Variants in CNTNAP2 observed in about 807,000 individuals in gnomAD.
The protein encoded by CNTNAP2 is contactin-associated protein-like 2.
CNTNAP2 carries 98 observed loss-of-function variants against 155.2 expected under a neutral mutation model. The observed-to-expected ratio is 0.63, with a 90% CI of 0.54 to 0.75. CNTNAP2 has a LOEUF of 0.75. Among genes scored for constraint, CNTNAP2 ranks in the 30% least tolerant of loss-of-function variants. The pLI is 0.00. For synonymous variants in CNTNAP2, 651 were observed against 631.2 expected (o/e 1.03, Z -0.47); for missense variants, 1,727 against 1,688.1 (o/e 1.02, Z -0.40).
intron 1 of CNTNAP2, among the ~76,000 whole-genome samples, chr7:146,774,059 T>C (rs1802344122): frequency 6.6e-6 from 1 of 152,218 alleles, no homozygotes; most frequent in South Asian, 2.1e-4. Context: ...TGCTTTGCTA[T>C]GGTTTTCCAT....
At chr7:147,842,032 G>C (rs561708796) in intron 13 of CNTNAP2, among the ~76,000 whole-genome samples, 1 of 151,720 alleles carries the variant, frequency 6.6e-6, no homozygotes, top group Non-Finnish European at 1.5e-5. Context: ...GCCATTAATT[G>C]TTTATTATCA....
intron 10 of CNTNAP2, among the ~76,000 whole-genome samples, chr7:147,445,000 T>C (rs1389399486): frequency 6.6e-6 from 1 of 152,098 alleles, no homozygotes; most frequent in Non-Finnish European, 1.5e-5. Context: ...GGGGATGTGC[T>C]ACATGCTTTC....
intron 21 of CNTNAP2, among the ~76,000 whole-genome samples, chr7:148,367,235 A>G (rs1317509398): frequency 6.6e-6 from 1 of 151,212 alleles, no homozygotes; most frequent in African/African-American, 2.4e-5. Flanking sequence ...GTCTCAAAAA[A>G]AAAATAAAAG....
intron 1 of CNTNAP2, among the ~76,000 whole-genome samples, chr7:146,386,588 A>G (rs1482360720): frequency 6.6e-6 from 1 of 152,044 alleles, no homozygotes. Flanking sequence ...GGGTTTCACC[A>G]TGTTGGAGAC....
In CNTNAP2 at chr7:146,264,708, A is replaced by C. The variant is rs1799968272; in HGVS notation, c.97+147735A>C. Among the ~76,000 whole-genome samples the C allele has an allele frequency of 2.6e-5, 4 of 152,334 alleles. No homozygotes were observed. The South Asian group carries it at 8.3e-4, about 32-fold the overall frequency. On this transcript the variant is annotated intron_variant, in intron 1 of 23. Coordinates refer to ENST00000361727, the MANE Select transcript of CNTNAP2 (RefSeq NM_014141.6). ...GTGCAAGTGAAGCGAGGAAGCGAGA[A>C]AAAACGAAGCAGAAGGAGTTGAAAT...
intron 15 of CNTNAP2, among the ~76,000 whole-genome samples, chr7:148,021,726 G>A (rs563477502): frequency 6.6e-6 from 1 of 152,310 alleles, no homozygotes; most frequent in African/African-American, 2.4e-5. Context: ...ATGCAGGAAT[G>A]TGCTCACAGT....
chr7:148,134,913 T>A (rs1185918420), intron 16 of CNTNAP2, among the ~76,000 whole-genome samples: 2 of 152,204 alleles, frequency 1.3e-5, no homozygotes, highest in Non-Finnish European at 2.9e-5. Context: ...AACATTTTTC[T>A]ATGCATTTAT....
At chr7:147,583,993 T>C (rs1800568971) in intron 12 of CNTNAP2, among the ~76,000 whole-genome samples, 1 of 152,038 alleles carries the variant, frequency 6.6e-6, no homozygotes, top group African/African-American at 2.4e-5. Flanking sequence ...CTGGAGACAA[T>C]AGAGGCTCAA....
intron 1 of CNTNAP2, among the ~76,000 whole-genome samples, chr7:146,162,164 G>T (rs966988411): frequency 2.0e-5 from 3 of 152,126 alleles, no homozygotes; most frequent in Non-Finnish European, 2.9e-5. Flanking sequence ...TGACAAATAG[G>T]ATCTAATTAA....
At chr7:148,271,216 T>C (rs1796773987) in intron 21 of CNTNAP2, among the ~76,000 whole-genome samples, 1 of 152,234 alleles carries the variant, frequency 6.6e-6, no homozygotes, top group Non-Finnish European at 1.5e-5. Flanking sequence ...CCTCGTTGTA[T>C]AGAATAAGGA....
intron 12 of CNTNAP2, among the ~76,000 whole-genome samples, chr7:147,599,825 A>G (rs1019113079): frequency 6.6e-6 from 1 of 152,186 alleles, no homozygotes; most frequent in Non-Finnish European, 1.5e-5. Context: ...TAATTTGATT[A>G]CATCTGCAAA....
chr7:147,464,025 A>G (rs1455424063), intron 10 of CNTNAP2, among the ~76,000 whole-genome samples: 4 of 151,324 alleles, frequency 2.6e-5, no homozygotes, highest in South Asian at 4.2e-4. Context: ...GCCAAAAGAC[A>G]TCCCAATTGT....
At chr7:147,456,876 A>C (rs910466631) in intron 10 of CNTNAP2, among the ~76,000 whole-genome samples, 1 of 152,186 alleles carries the variant, frequency 6.6e-6, no homozygotes, top group African/African-American at 2.4e-5. Context: ...TAAGGCAGGG[A>C]CAGAATGTTA....
chr7:146,228,115 A>T (rs541890314), intron 1 of CNTNAP2, among the ~76,000 whole-genome samples: 154 of 152,310 alleles, frequency 1.0e-3, no homozygotes, highest in Admixed American at 2.9e-3. Flanking sequence ...ATTCTACAGG[A>T]TTCATTTTGA....
At chr7:146,714,921 T>C (rs1001887663) in intron 1 of CNTNAP2, among the ~76,000 whole-genome samples, 4 of 152,192 alleles carry the variant, frequency 2.6e-5, no homozygotes, top group African/African-American at 9.6e-5. Context: ...AACCTCTTTC[T>C]TTGCTAGTTT....
intron 15 of CNTNAP2, among the ~76,000 whole-genome samples, chr7:147,979,503 G>A (rs559843079): frequency 7.2e-5 from 11 of 152,278 alleles, no homozygotes; most frequent in South Asian, 2.1e-4. Flanking sequence ...CTGGCTTACC[G>A]ATTCTAATTC....
intron 8 of CNTNAP2, among the ~76,000 whole-genome samples, chr7:147,299,099 C>T (rs1169759629): frequency 2.0e-5 from 3 of 152,054 alleles, no homozygotes; most frequent in Non-Finnish European, 4.4e-5. Context: ...TACATTGTGC[C>T]GTCTGAAGAA....
chr7:146,327,874 G>A (rs1277443360), intron 1 of CNTNAP2, among the ~76,000 whole-genome samples: 1 of 152,202 alleles, frequency 6.6e-6, no homozygotes, highest in African/African-American at 2.4e-5. Flanking sequence ...AGGAGAACAA[G>A]AGAATTTGAC....
chr7:147,233,362 C>A (rs1343711232), intron 8 of CNTNAP2, among the ~76,000 whole-genome samples: 2 of 152,136 alleles, frequency 1.3e-5, no homozygotes, highest in African/African-American at 2.4e-5. Context: ...ACAGAGTCTG[C>A]AATATTTCTT....
Sources: gnomAD v4.1 joint callset for allele counts (sites outside exome capture counted in the v4.1 genomes callset) on GRCh38, gnomAD v4.1.1 for gene constraint, MANE v1.5 for transcripts, NCBI Gene and HGNC (gene_info 2026-07-23, HGNC 2026-07-21) for gene names.